ANKRD11: variants seen among roughly 807,000 people sequenced by gnomAD.
The protein encoded by ANKRD11 is ankyrin repeat domain 11.
In ANKRD11, 17 loss-of-function variants were observed where a neutral mutation model predicts 195.7. That is an observed-to-expected ratio of 0.09 (90% CI 0.06 to 0.13). ANKRD11 has a LOEUF of 0.13. ANKRD11 is among the 10% of genes least tolerant of loss of function. The pLI, the probability that ANKRD11 is intolerant of heterozygous loss-of-function variation, is 1.00. For missense variants in ANKRD11, 3,735 were observed against 3,566.1 expected (o/e 1.05, Z -1.21); for synonymous variants, 1,953 against 1,528.1 (o/e 1.28, Z -6.49).
chr16:89,302,206 G>T (rs1251459717), intron 4 of ANKRD11, among the ~76,000 whole-genome samples: 1 of 152,212 alleles, frequency 6.6e-6, no homozygotes, highest in Non-Finnish European at 1.5e-5. Context: ...ACAGCGCCCA[G>T]CAGCCTCCCG....
intron 3 of ANKRD11, among the ~76,000 whole-genome samples, chr16:89,310,298 G>A (rs919393429): frequency 2.6e-5 from 4 of 152,206 alleles, no homozygotes; most frequent in African/African-American, 9.7e-5. Context: ...ACTCACCCAT[G>A]GGTCTGTCCT....
intron 1 of ANKRD11, among the ~76,000 whole-genome samples, chr16:89,444,628 G>A (rs2043698499): frequency 6.6e-6 from 1 of 152,040 alleles, no homozygotes; most frequent in East Asian, 1.9e-4. Context: ...CCCCTTCAGG[G>A]TCTAGCAGCA....
intron 2 of ANKRD11, among the ~76,000 whole-genome samples, chr16:89,410,811 A>C (rs2042083304): frequency 6.6e-6 from 1 of 152,224 alleles, no homozygotes; most frequent in Non-Finnish European, 1.5e-5. Flanking sequence ...AGCCCATGGG[A>C]AGCTTAACAG....
chr16:89,482,764 C>G (rs1307566708), intron 1 of ANKRD11, among the ~76,000 whole-genome samples: 1 of 152,166 alleles, frequency 6.6e-6, no homozygotes, highest in Non-Finnish European at 1.5e-5. Context: ...TGCACTCCAG[C>G]CTGGGCAACA....
At chr16:89,479,940 C>A (rs2057387642) in intron 1 of ANKRD11, among the ~76,000 whole-genome samples, 1 of 133,278 alleles carries the variant, frequency 7.5e-6, no homozygotes, top group Non-Finnish European at 1.6e-5. Context: ...GAGACTCCAT[C>A]TCAAAAAAAA....
chr16:89,401,803 G>A (rs1597291888), intron 2 of ANKRD11, among the ~76,000 whole-genome samples: 1 of 152,302 alleles, frequency 6.6e-6, no homozygotes, highest in East Asian at 1.9e-4. Context: ...AACGCTGGGT[G>A]AAGAGGGAGG....
At chr16:89,320,672 G>A (rs1204052208) in intron 2 of ANKRD11, among the ~76,000 whole-genome samples, 4 of 152,298 alleles carry the variant, frequency 2.6e-5, no homozygotes, top group African/African-American at 9.6e-5. Context: ...CAGAAGCCAC[G>A]GCGCCAAAGC....
chr16:89,486,013 C>G (rs989762638), intron 1 of ANKRD11, among the ~76,000 whole-genome samples: 5 of 152,224 alleles, frequency 3.3e-5, no homozygotes, highest in African/African-American at 1.2e-4. Context: ...CTGAAAACAG[C>G]AGTCCTGCTA....
intron 2 of ANKRD11, among the ~76,000 whole-genome samples, chr16:89,414,025 G>T (rs1431538734): frequency 6.7e-6 from 1 of 149,170 alleles, no homozygotes; most frequent in Non-Finnish European, 1.5e-5. Context: ...CACCACCACG[G>T]GCCTGCACAC....
chr16:89,424,370 G>A (rs1429699737), intron 1 of ANKRD11, among the ~76,000 whole-genome samples: 2 of 151,728 alleles, frequency 1.3e-5, no homozygotes, highest in African/African-American at 2.4e-5. Flanking sequence ...GAACCCAGGA[G>A]ACGGAGGTTG....
At chr16:89,356,780 CAAAAAA>C (rs58470031) in intron 2 of ANKRD11, among the ~76,000 whole-genome samples, 9 of 103,988 alleles carry the variant, frequency 8.7e-5, no homozygotes, top group Admixed American at 3.2e-4. Context: ...GACTCCGTCT[CAAAAAA>C]AAAAAAAAAG....
intron 2 of ANKRD11, among the ~76,000 whole-genome samples, chr16:89,363,131 A>G (rs1186372560): frequency 6.6e-6 from 1 of 152,206 alleles, no homozygotes; most frequent in African/African-American, 2.4e-5. Flanking sequence ...GCACCAGGGC[A>G]CAAGCATTTC....
intron 2 of ANKRD11, 74 bp downstream of exon 2, chr16:89,418,210 G>A (rs375324207): frequency 2.1e-4 from 93 of 443,648 alleles, no homozygotes; most frequent in Admixed American, 8.3e-4. Context: ...GGACACTCAC[G>A]CATTATTTTG....
chr16:89,463,005 G>A (rs548123184), intron 1 of ANKRD11, among the ~76,000 whole-genome samples: 1 of 150,670 alleles, frequency 6.6e-6, no homozygotes, highest in African/African-American at 2.4e-5. Context: ...GAGGTGGGGG[G>A]GTCAGCCCCC....
intron 2 of ANKRD11, chr16:89,343,850 A>G (rs1297409586): frequency 1.3e-5 from 2 of 152,272 alleles, no homozygotes; most frequent in Non-Finnish European, 2.9e-5. Context: ...CGCAGGCGGT[A>G]AGGCTCCGCT....
At chr16:89,379,573 G>A (rs2040559197) in intron 2 of ANKRD11, among the ~76,000 whole-genome samples, 1 of 152,192 alleles carries the variant, frequency 6.6e-6, no homozygotes, top group South Asian at 2.1e-4. Context: ...CAACCTCCTG[G>A]GCTCAAGTGA....
At chr16:89,302,041 A>G (rs2035887325) in intron 4 of ANKRD11, among the ~76,000 whole-genome samples, 1 of 152,214 alleles carries the variant, frequency 6.6e-6, no homozygotes, top group Non-Finnish European at 1.5e-5. Context: ...GCTGGGGACC[A>G]GAGAAGAGTC....
At chr16:89,422,628 G>C (rs936252979) in intron 1 of ANKRD11, among the ~76,000 whole-genome samples, 2 of 152,164 alleles carry the variant, frequency 1.3e-5, no homozygotes, top group African/African-American at 2.4e-5. Flanking sequence ...TGTTGCATGA[G>C]AGCTGCTTTA....
intron 2 of ANKRD11, among the ~76,000 whole-genome samples, chr16:89,367,483 C>T (rs187077365): frequency 9.2e-4 from 140 of 152,322 alleles, no homozygotes; most frequent in Middle Eastern, 3.4e-3. Context: ...TCAAACAACC[C>T]GGAGTGTACA....
Sources: gnomAD v4.1 joint callset for allele counts (sites outside exome capture counted in the v4.1 genomes callset) on GRCh38, gnomAD v4.1.1 for gene constraint, MANE v1.5 for transcripts, NCBI Gene and HGNC (gene_info 2026-07-23, HGNC 2026-07-21) for gene names.